ABCA13: variants seen among roughly 807,000 people sequenced by gnomAD.
ABCA13 encodes the protein ATP-binding cassette sub-family A member 13.
Under a neutral mutation model 478.7 loss-of-function variants are expected in ABCA13, and 476 were observed. That is an observed-to-expected ratio of 0.99 (90% CI 0.92 to 1.07). The LOEUF (loss-of-function observed/expected upper bound fraction) is 1.07. Ranked by LOEUF, ABCA13 falls within the 50% of genes least tolerant of loss-of-function variation. ABCA13 has a pLI of 0.00. For missense variants in ABCA13, 6,060 were observed against 5,910.6 expected, an observed-to-expected ratio of 1.03 and a Z score of -0.83; for synonymous variants, 2,252 against 2,158.9, an observed-to-expected ratio of 1.04 and a Z score of -1.20.
At chr7:48,558,078 C>T (rs1027291826) in intron 55 of ABCA13, among the ~76,000 whole-genome samples, 1 of 151,842 alleles carries the variant, frequency 6.6e-6, no homozygotes, top group Non-Finnish European at 1.5e-5. Flanking sequence ...ATCAATTATA[C>T]TGTTAAGAGG....
intron 27 of ABCA13, among the ~76,000 whole-genome samples, chr7:48,328,200 T>A (rs1449943916): frequency 3.9e-5 from 6 of 152,170 alleles, no homozygotes; most frequent in Non-Finnish European, 7.3e-5. Flanking sequence ...TGCACATATG[T>A]GGGGCTATTT....
chr7:48,209,991 C>T (rs1387875052), intron 3 of ABCA13, among the ~76,000 whole-genome samples: 1 of 152,046 alleles, frequency 6.6e-6, no homozygotes, highest in Admixed American at 6.6e-5. Context: ...ATTATTTCTT[C>T]TACTAATTTT....
chr7:48,320,672 T>G (rs1803317992), intron 27 of ABCA13, among the ~76,000 whole-genome samples: 2 of 152,288 alleles, frequency 1.3e-5, no homozygotes, highest in East Asian at 3.9e-4. Context: ...AAAAAAGAAT[T>G]ATATTGTTTT....
At chr7:48,359,110 T>C (rs1286077056) in intron 31 of ABCA13, among the ~76,000 whole-genome samples, 1 of 151,978 alleles carries the variant, frequency 6.6e-6, no homozygotes, top group African/African-American at 2.4e-5. Flanking sequence ...TTAACTGCTG[T>C]CTGCCCAGTG....
At chr7:48,462,478 G>T (rs1323074170) in intron 43 of ABCA13, among the ~76,000 whole-genome samples, 1 of 147,798 alleles carries the variant, frequency 6.8e-6, no homozygotes, top group Non-Finnish European at 1.5e-5. Flanking sequence ...CAAAACTGCA[G>T]ATTTAAGTCT....
intron 51 of ABCA13, among the ~76,000 whole-genome samples, chr7:48,516,080 T>C (rs938521178): frequency 5.3e-5 from 8 of 152,134 alleles, no homozygotes; most frequent in Admixed American, 4.6e-4. Flanking sequence ...CCGTGGAATG[T>C]ATTATGTAAA....
At chr7:48,510,301 C>T (rs1030542704) in intron 50 of ABCA13, among the ~76,000 whole-genome samples, 1 of 152,088 alleles carries the variant, frequency 6.6e-6, no homozygotes, top group Non-Finnish European at 1.5e-5. Context: ...AAGAAGGGGC[C>T]CTGCCCATGG....
chr7:48,199,538 G>A (rs1404525380), intron 3 of ABCA13, among the ~76,000 whole-genome samples: 1 of 152,094 alleles, frequency 6.6e-6, no homozygotes, highest in Admixed American at 6.5e-5. Context: ...ATCATCTTAG[G>A]GGTTATGTTT....
intron 35 of ABCA13, among the ~76,000 whole-genome samples, chr7:48,381,747 C>T (rs1814422539): frequency 6.6e-6 from 1 of 152,196 alleles, no homozygotes; most frequent in Non-Finnish European, 1.5e-5. Flanking sequence ...AGTTTCCTGG[C>T]CTGCATAAGC....
chr7:48,257,963 G>A (rs62449184), intron 15 of ABCA13, among the ~76,000 whole-genome samples: 19,121 of 151,976 alleles, frequency 0.13, 1,220 homozygotes, highest in South Asian at 0.18. Context: ...TCACTCTGTT[G>A]CCCAGGCTGG....
chr7:48,254,883 C>T (rs1016665162), intron 15 of ABCA13, among the ~76,000 whole-genome samples: 2 of 152,046 alleles, frequency 1.3e-5, no homozygotes, highest in African/African-American at 2.4e-5. Context: ...TTCTTATTTT[C>T]GTAGCCTCTC....
intron 7 of ABCA13, 137 bp from the exon 8 acceptor site, chr7:48,233,881 A>C (rs1489944473): frequency 1.1e-6 from 1 of 927,322 alleles, no homozygotes; most frequent in Admixed American, 2.7e-5. Flanking sequence ...TGCTTTTTCT[A>C]TCTGATGCCC....
intron 58 of ABCA13, among the ~76,000 whole-genome samples, chr7:48,607,249 C>T (rs535438131): frequency 6.6e-6 from 1 of 152,274 alleles, no homozygotes; most frequent in East Asian, 1.9e-4. Context: ...CCGGAGTGCA[C>T]GTTCCTACCA....
At position 48,454,922 on chromosome 7, in the gene ABCA13, C is replaced by T; in HGVS notation, c.12566-115C>T. On this transcript the variant is annotated intron_variant, in intron 42 of 61. Transcript: ENST00000435803. ...AGGGAGTCCTCATGGGGTGGGCCTG[C>T]GTCGCATTCCCATGGCTGCGAGATG... The T allele has an allele frequency of 8.1e-6, 11 of 1,364,570 alleles. No homozygotes were observed. In the South Asian group the frequency reaches 1.6e-4, roughly 20 times the overall value. The allele number at this position is 1,364,570 out of a possible 1,614,324, so 84.5% of individuals were successfully genotyped here.
chr7:48,459,181 T>G (rs35345934), intron 43 of ABCA13, among the ~76,000 whole-genome samples: 28,549 of 151,936 alleles, frequency 0.19, 3,105 homozygotes, highest in African/African-American at 0.29. Context: ...GGGTGGTGCA[T>G]CTCTGAGAGA....
chr7:48,291,896 T>G (rs564465649), intron 20 of ABCA13, among the ~76,000 whole-genome samples: 2 of 152,168 alleles, frequency 1.3e-5, no homozygotes, highest in East Asian at 3.9e-4. Context: ...GTCACTCAGC[T>G]CCCGGCACTT....
chr7:48,328,134 A>G (rs1318616464), intron 27 of ABCA13, among the ~76,000 whole-genome samples: 2 of 152,188 alleles, frequency 1.3e-5, no homozygotes, highest in Non-Finnish European at 2.9e-5. Context: ...GTGAAGTGGA[A>G]GCTGCCCAAG....
In ABCA13 at chr7:48,232,139, A is replaced by ATTTTTTTTTTTTTTTTTTTT. The variant is rs71006559; in HGVS notation, c.764-1873_764-1854dup. ...CTCAGCACAGTGAGACCCACATGGA[A>ATTTTTTTTTTTTTTTTTTTT]TTTTTTTTTTTTTTTTTTTTTTTTT... On this transcript the variant is annotated intron_variant, in intron 7 of 61. Transcript: ENST00000435803. 3.3e-3 allele frequency among the ~76,000 whole-genome samples: 170 copies of ATTTTTTTTTTTTTTTTTTTT among 51,274 alleles called. 19 individuals are homozygous for ATTTTTTTTTTTTTTTTTTTT. Among genetic ancestry groups the ATTTTTTTTTTTTTTTTTTTT allele is most frequent in the Non-Finnish European group, 4.5e-3 (123 of 27,384 alleles). The allele number at this position is 51,274 out of a possible 152,430, so 33.6% of individuals were successfully genotyped here.
chr7:48,449,856 C>A (rs1191400049), intron 42 of ABCA13, among the ~76,000 whole-genome samples: 2 of 152,182 alleles, frequency 1.3e-5, no homozygotes, highest in Non-Finnish European at 2.9e-5. Context: ...CATGTCTTTG[C>A]ATGAGATTCC....
Sources: allele counts gnomAD v4.1 joint callset (sites outside exome capture counted in the v4.1 genomes callset), GRCh38; gene constraint gnomAD v4.1.1; transcripts MANE v1.5; gene names NCBI Gene and HGNC (gene_info 2026-07-23, HGNC 2026-07-21).